WDR41: variants seen among roughly 807,000 people sequenced by gnomAD.
WDR41 encodes WD repeat domain 41, also known as WD repeat-containing protein 41.
A neutral mutation model predicts 69.3 loss-of-function variants in WDR41; 63 were observed. The ratio of observed to expected loss-of-function variants is 0.91; its 90% CI spans 0.74 to 1.12. The LOEUF is 1.12. WDR41 is among the 50% of genes most tolerant of loss of function. WDR41 has a pLI of 0.00. For synonymous variants in WDR41, 185 were observed against 192.1 expected, an observed-to-expected ratio of 0.96 and a Z score of 0.31; for missense variants, 543 against 534.5, an observed-to-expected ratio of 1.02 and a Z score of -0.16.
chr5:77,607,758 T>C (rs1185658408), intron 1 of WDR41, among the ~76,000 whole-genome samples: 3 of 152,366 alleles, frequency 2.0e-5, no homozygotes, highest in Non-Finnish European at 1.5e-5. Flanking sequence ...AAAATAACTT[T>C]TAAAGTATAT....
In WDR41 at chr5:77,437,276, T is replaced by C. The variant is rs1015911381; in HGVS notation, c.1093+60A>G. The C allele has an allele frequency of 8.7e-5, 120 of 1,381,448 alleles. 1 individual carries two copies. Among genetic ancestry groups the C allele is most frequent in the Non-Finnish European group, 1.2e-4 (117 of 974,388 alleles). 85.6% of individuals were successfully genotyped at this position (1,381,448 alleles called of 1,614,324 possible). A position where few individuals can be genotyped will look rare whatever the true frequency, so the allele number is the denominator to read the frequency against. On this transcript the variant is annotated intron_variant, in intron 11 of 12. Coordinates refer to ENST00000296679, the MANE Select transcript of WDR41 (RefSeq NM_018268.4). Reference sequence around the variant, plus strand: ...TGGTTTCACATAATTGTCCTTCTCCTGCCTTTCACGTGAGAAAAAAGGAGA... The same window carrying C: ...TGGTTTCACATAATTGTCCTTCTCCCGCCTTTCACGTGAGAAAAAAGGAGA...
chr5:77,491,147 C>T, intron 1 of WDR41: 1 of 405,758 alleles, frequency 2.5e-6, no homozygotes, highest in Non-Finnish European at 5.0e-6. Context: ...GACATTCCAC[C>T]ACAAAAGTGA....
At chr5:77,568,787 G>T (rs1337688047) in intron 1 of WDR41, among the ~76,000 whole-genome samples, 2 of 152,144 alleles carry the variant, frequency 1.3e-5, no homozygotes, top group East Asian at 3.9e-4. Flanking sequence ...TGAATCAACA[G>T]ACTATCCTCT....
At chr5:77,613,328 C>T (rs1193623251) in intron 1 of WDR41, among the ~76,000 whole-genome samples, 3 of 152,294 alleles carry the variant, frequency 2.0e-5, no homozygotes, top group African/African-American at 7.2e-5. Context: ...AAAGAGCCCG[C>T]ATCGCCAAGC....
Position 77,582,372 on chromosome 5 carries a change from A to G in WDR41, c.42+38107T>C. The G allele has an allele frequency of 3.1e-6, 5 of 1,608,182 alleles. No homozygotes were observed. The South Asian group carries it at 4.4e-5, about 14-fold the overall frequency. On this transcript the variant is annotated intron_variant, in intron 1 of 5. Transcript: ENST00000509971. ...GCCAACTTCCTCTTTTTCCGGCTGG[A>G]ACCATGGAGGGTGTAGAAGAGAAGA...
At chr5:77,582,251 AT>A in intron 1 of WDR41, 2 of 867,814 alleles carry the variant, frequency 2.3e-6, no homozygotes, top group Non-Finnish European at 3.6e-6. Context: ...AATGGACAAA[AT>A]TCCTAAAAGA....
Position 77,438,259 on chromosome 5 carries a change from C to T in WDR41, c.985G>A (p.Val329Ile), listed in dbSNP as rs33204. ...KTAHDSNVLH[V>I]ARLPNRQLIS... Reference sequence around the variant, plus strand: ...TTGTACCTGTTTGGAAGTCTGGCAACGTGCAGGACATTGGAGTCATGTGCA... The same window carrying T: ...TTGTACCTGTTTGGAAGTCTGGCAATGTGCAGGACATTGGAGTCATGTGCA... Residue 329 changes from valine (V) to isoleucine (I), a missense_variant, in exon 10 of 13, where the codon GTT (valine) becomes ATT (isoleucine). Coordinates refer to ENST00000296679, the MANE Select transcript of WDR41 (RefSeq NM_018268.4). 749,926 of 1,613,514 alleles carry T rather than the reference C, an allele frequency of 0.46. 177,152 individuals are homozygous for T. Among genetic ancestry groups the T allele is most frequent in the Admixed American group, 0.64 (38,085 of 59,976 alleles).
At chr5:77,483,143 A>C (rs1398462371) in intron 2 of WDR41, among the ~76,000 whole-genome samples, 1 of 151,694 alleles carries the variant, frequency 6.6e-6, no homozygotes, top group African/African-American at 2.4e-5. Flanking sequence ...CTGAAGTTTT[A>C]TTTTTCTTTT....
In WDR41 at chr5:77,546,227, C is replaced by T. The variant is rs113211273; in HGVS notation, c.43-56655G>A. 505 of 391,916 alleles carry T rather than the reference C, an allele frequency of 1.3e-3. 3 individuals carry two copies. The highest frequency in any genetic ancestry group is 9.6e-3 in the African/African-American group (461 of 48,210). 24.3% of individuals were successfully genotyped at this position (391,916 alleles called of 1,614,324 possible). ...TCGTCAAGACCCACTCTAGAGTCTC[C>T]GTGCAAAGGACCCAGGCTCCAGCTG... On this transcript the variant is annotated intron_variant, in intron 1 of 5. Transcript: ENST00000509971.
At chr5:77,611,376 C>A (rs1350588099) in intron 1 of WDR41, among the ~76,000 whole-genome samples, 1 of 152,234 alleles carries the variant, frequency 6.6e-6, no homozygotes, top group Non-Finnish European at 1.5e-5. Flanking sequence ...CCACACCACA[C>A]CTATTCCAAA....
chr5:77,605,580 A>G (rs1744400186), intron 1 of WDR41, among the ~76,000 whole-genome samples: 1 of 152,234 alleles, frequency 6.6e-6, no homozygotes, highest in South Asian at 2.1e-4. Context: ...AGAGCTGCTT[A>G]GAACTCTGGA....
chr5:77,618,517 C>T (rs946400497), intron 1 of WDR41, among the ~76,000 whole-genome samples: 17 of 152,018 alleles, frequency 1.1e-4, no homozygotes, highest in Non-Finnish European at 1.8e-4. Context: ...TGATTACAGG[C>T]GCACACCACC....
intron 1 of WDR41, among the ~76,000 whole-genome samples, chr5:77,511,849 G>C (rs758873389): frequency 6.6e-6 from 1 of 151,774 alleles, no homozygotes. Context: ...CATTAGTTAA[G>C]TTTCGATTCT....
intron 7 of WDR41, 114 bp from the exon 8 acceptor site, chr5:77,449,984 ACCCATCTCC>A: frequency 1.5e-6 from 1 of 685,672 alleles, no homozygotes; most frequent in Non-Finnish European, 2.5e-6. Flanking sequence ...ATACTGAAAA[ACCCATCTCC>A]AAAAAAAAGC....
chr5:77,609,868 G>A (rs575921495), intron 1 of WDR41, among the ~76,000 whole-genome samples: 2 of 152,322 alleles, frequency 1.3e-5, no homozygotes, highest in East Asian at 3.9e-4. Flanking sequence ...TGAGCTACAG[G>A]AGGAAATTCA....
At chr5:77,615,945 A>G (rs1744673227) in intron 1 of WDR41, among the ~76,000 whole-genome samples, 1 of 152,016 alleles carries the variant, frequency 6.6e-6, no homozygotes, top group African/African-American at 2.4e-5. Context: ...GTGAGGCGAG[A>G]TCACACCACT....
At chr5:77,445,924 G>A (rs1468421554) in intron 8 of WDR41, among the ~76,000 whole-genome samples, 1 of 152,024 alleles carries the variant, frequency 6.6e-6, no homozygotes, top group African/African-American at 2.4e-5. Flanking sequence ...TTCTGTCCAG[G>A]GCAATCAGGA....
At chr5:77,578,306 A>G (rs1370103001) in intron 1 of WDR41, among the ~76,000 whole-genome samples, 1 of 152,204 alleles carries the variant, frequency 6.6e-6, no homozygotes, top group Non-Finnish European at 1.5e-5. Context: ...GGTAGAGGGT[A>G]GGATTCACTA....
chr5:77,460,207 C>A (rs762264330), intron 4 of WDR41, among the ~76,000 whole-genome samples: 1 of 152,164 alleles, frequency 6.6e-6, no homozygotes, highest in African/African-American at 2.4e-5. Flanking sequence ...ACTTAATGCA[C>A]CTCCCTTTCA....
Sources: allele counts gnomAD v4.1 joint callset (sites outside exome capture counted in the v4.1 genomes callset), GRCh38; gene constraint gnomAD v4.1.1; transcripts MANE v1.5; gene names NCBI Gene and HGNC (gene_info 2026-07-23, HGNC 2026-07-21).